Variants in PDZRN4 observed in about 807,000 individuals in gnomAD.
PDZRN4 encodes the protein PDZ domain containing ring finger 4.
A neutral mutation model predicts 99.0 loss-of-function variants in PDZRN4; 70 were observed. The ratio of observed to expected loss-of-function variants is 0.71; its 90% CI spans 0.58 to 0.86. The LOEUF is 0.86. PDZRN4 is among the 40% of genes least tolerant of loss of function. The pLI is 0.00. For missense variants in PDZRN4, 1,474 were observed against 1,331.2 expected, an observed-to-expected ratio of 1.11 and a Z score of -1.67; for synonymous variants, 551 against 501.6, an observed-to-expected ratio of 1.10 and a Z score of -1.32.
chr12:41,204,783 C>A (rs1047202016), intron 3 of PDZRN4, among the ~76,000 whole-genome samples: 4 of 151,900 alleles, frequency 2.6e-5, no homozygotes, highest in Non-Finnish European at 5.9e-5. Context: ...GGGACACAGC[C>A]AAACCATATC....
At chr12:41,450,389 C>T (rs1440976284) in intron 3 of PDZRN4, among the ~76,000 whole-genome samples, 2 of 152,138 alleles carry the variant, frequency 1.3e-5, no homozygotes, top group Non-Finnish European at 2.9e-5. Context: ...TAAGTTACTG[C>T]TTTTAAAAAT....
intron 3 of PDZRN4, among the ~76,000 whole-genome samples, chr12:41,440,292 T>C (rs1252256563): frequency 6.6e-6 from 1 of 152,096 alleles, no homozygotes; most frequent in African/African-American, 2.4e-5. Context: ...AAAATAAAGT[T>C]TACCAGGAGA....
intron 3 of PDZRN4, among the ~76,000 whole-genome samples, chr12:41,393,039 G>C (rs1952220694): frequency 6.6e-6 from 1 of 152,124 alleles, no homozygotes; most frequent in Admixed American, 6.6e-5. Flanking sequence ...CTGTATAAGT[G>C]TTCTCACTAT....
chr12:41,505,254 C>T (rs1449761170), intron 3 of PDZRN4, among the ~76,000 whole-genome samples: 1 of 152,062 alleles, frequency 6.6e-6, no homozygotes, highest in Admixed American at 6.6e-5. Context: ...CACCAACAGG[C>T]GGGTGGCTTA....
At chr12:41,443,588 T>C (rs1952699864) in intron 3 of PDZRN4, among the ~76,000 whole-genome samples, 1 of 151,980 alleles carries the variant, frequency 6.6e-6, no homozygotes, top group Admixed American at 6.6e-5. Flanking sequence ...TTGGGCTTGA[T>C]TTGGGGATGG....
At chr12:41,458,161 G>A (rs748141091) in intron 3 of PDZRN4, among the ~76,000 whole-genome samples, 3 of 152,006 alleles carry the variant, frequency 2.0e-5, no homozygotes, top group South Asian at 4.1e-4. Flanking sequence ...GACTTTTTTT[G>A]TGTGTGTGTA....
At chr12:41,533,486 T>C (rs2120746057) in intron 5 of PDZRN4, among the ~76,000 whole-genome samples, 1 of 152,324 alleles carries the variant, frequency 6.6e-6, no homozygotes, top group South Asian at 2.1e-4. Context: ...GTTTAACTTT[T>C]TAAAAAATTT....
At chr12:41,547,490 G>A (rs1416853051) in intron 5 of PDZRN4, among the ~76,000 whole-genome samples, 1 of 152,060 alleles carries the variant, frequency 6.6e-6, no homozygotes, top group African/African-American at 2.4e-5. Flanking sequence ...GCCAGGGGTG[G>A]TGGCAGGCAC....
At chr12:41,402,177 GTATA>G (rs1190039757) in intron 3 of PDZRN4, among the ~76,000 whole-genome samples, 1 of 56,558 alleles carries the variant, frequency 1.8e-5, no homozygotes, top group Non-Finnish European at 3.0e-5. Context: ...TACACACTGA[GTATA>G]TATATATATA....
At chr12:41,195,118 T>C (rs1408614331) in intron 3 of PDZRN4, among the ~76,000 whole-genome samples, 1 of 152,170 alleles carries the variant, frequency 6.6e-6, no homozygotes, top group Non-Finnish European at 1.5e-5. Context: ...GCTAGTAAAA[T>C]TGGGTTATGT....
intron 3 of PDZRN4, among the ~76,000 whole-genome samples, chr12:41,331,199 G>A (rs1218653031): frequency 6.6e-6 from 1 of 152,122 alleles, no homozygotes; most frequent in Non-Finnish European, 1.5e-5. Context: ...AAGCTGAGAA[G>A]TAGCAGGTAT....
chr12:41,559,836 G>T (rs935500743), intron 7 of PDZRN4, among the ~76,000 whole-genome samples: 1 of 152,066 alleles, frequency 6.6e-6, no homozygotes, highest in Non-Finnish European at 1.5e-5. Context: ...TGCTGTTCTC[G>T]TGATAGTGAG....
Position 41,260,519 on chromosome 12 carries a change from A to C in PDZRN4, c.843+66331A>C, listed in dbSNP as rs532739776. ...CCCAATTATACATGAGTTAATATAA[A>C]ATTATATTTTTTACATAACAGCATT... On this transcript the variant is annotated intron_variant, in intron 3 of 9. Transcript: ENST00000402685. Among the ~76,000 whole-genome samples the C allele has an allele frequency of 1.3e-3, 200 of 152,288 alleles. 1 individual carries two copies. The highest frequency in any genetic ancestry group is 2.4e-3 in the Non-Finnish European group (162 of 67,996).
At chr12:41,235,460 C>T (rs776287115) in intron 3 of PDZRN4, among the ~76,000 whole-genome samples, 2 of 152,026 alleles carry the variant, frequency 1.3e-5, no homozygotes, top group South Asian at 2.1e-4. Context: ...GCCACACATT[C>T]GAAAAACTTA....
chr12:41,505,088 C>A (rs527492900), intron 3 of PDZRN4, among the ~76,000 whole-genome samples: 17 of 152,290 alleles, frequency 1.1e-4, no homozygotes, highest in African/African-American at 4.1e-4. Flanking sequence ...TTGCTCTGAG[C>A]ACACACATAT....
chr12:41,440,523 G>T (rs1236747693), intron 3 of PDZRN4, among the ~76,000 whole-genome samples: 1 of 152,088 alleles, frequency 6.6e-6, no homozygotes, highest in Non-Finnish European at 1.5e-5. Context: ...CAATCAGAAT[G>T]GTGCGCTTAG....
intron 3 of PDZRN4, among the ~76,000 whole-genome samples, chr12:41,367,517 T>C (rs570672246): frequency 5.2e-4 from 79 of 151,836 alleles, no homozygotes; most frequent in Non-Finnish European, 1.0e-3. Context: ...TCAAAATAAA[T>C]AAATAAATAA....
intron 3 of PDZRN4, among the ~76,000 whole-genome samples, chr12:41,244,403 T>C (rs1416153947): frequency 2.6e-5 from 4 of 152,206 alleles, no homozygotes; most frequent in Admixed American, 6.5e-5. Context: ...AGTCAAATCA[T>C]GTTACTCCTC....
chr12:41,286,273 AAAG>A (rs1256564128), intron 3 of PDZRN4, among the ~76,000 whole-genome samples: 1 of 151,880 alleles, frequency 6.6e-6, no homozygotes, highest in Non-Finnish European at 1.5e-5. Flanking sequence ...GATAGACACT[AAAG>A]AAGAAGGCTG....
Sources: gnomAD v4.1 joint callset for allele counts (sites outside exome capture counted in the v4.1 genomes callset) on GRCh38, gnomAD v4.1.1 for gene constraint, MANE v1.5 for transcripts, NCBI Gene and HGNC (gene_info 2026-07-23, HGNC 2026-07-21) for gene names.